The following SPOCK1 variants were observed in gnomAD, a reference collection of about 807,000 sequenced individuals.
SPOCK1 encodes testican-1.
A neutral mutation model predicts 55.3 loss-of-function variants in SPOCK1; 23 were observed. That is an observed-to-expected ratio of 0.42 (90% CI 0.30 to 0.59). The LOEUF (loss-of-function observed/expected upper bound fraction) is 0.59, where lower values mean the gene tolerates loss of function less well. SPOCK1 is among the 20% of genes least tolerant of loss of function. SPOCK1 has a pLI of 0.22. For missense variants in SPOCK1, 499 were observed against 552.5 expected, an observed-to-expected ratio of 0.90 and a Z score of 0.97; for synonymous variants, 226 against 221.0, an observed-to-expected ratio of 1.02 and a Z score of -0.20.
At chr5:137,388,098 G>A (rs1751634897) in intron 2 of SPOCK1, among the ~76,000 whole-genome samples, 1 of 152,072 alleles carries the variant, frequency 6.6e-6, no homozygotes, top group South Asian at 2.1e-4. Context: ...GCATTTAAAG[G>A]GAAAAATAGG....
At chr5:137,027,395 T>G (rs191554559) in intron 6 of SPOCK1, among the ~76,000 whole-genome samples, 2 of 152,302 alleles carry the variant, frequency 1.3e-5, no homozygotes, top group Admixed American at 1.3e-4. Flanking sequence ...CAAAGTGGCT[T>G]CTTTTGTAGA....
At chr5:137,279,369 G>C (rs901340126) in intron 2 of SPOCK1, among the ~76,000 whole-genome samples, 1 of 152,218 alleles carries the variant, frequency 6.6e-6, no homozygotes, top group African/African-American at 2.4e-5. Flanking sequence ...GTACACAGAG[G>C]AAGAAGTCAC....
intron 6 of SPOCK1, among the ~76,000 whole-genome samples, chr5:137,037,217 G>A (rs1195191033): frequency 1.3e-5 from 2 of 151,538 alleles, no homozygotes; most frequent in South Asian, 2.1e-4. Flanking sequence ...TCATGGTATC[G>A]TCAACAATAT....
At chr5:137,295,831 TAC>T (rs888418455) in intron 2 of SPOCK1, among the ~76,000 whole-genome samples, 6 of 152,252 alleles carry the variant, frequency 3.9e-5, no homozygotes, top group Non-Finnish European at 2.9e-5. Flanking sequence ...TACTTCATTT[TAC>T]AGTGTTTTTC....
chr5:137,050,521 CT>C (rs1331735015), intron 6 of SPOCK1, among the ~76,000 whole-genome samples: 10 of 151,308 alleles, frequency 6.6e-5, no homozygotes, highest in African/African-American at 2.2e-4. Context: ...CGCGCACCCA[CT>C]GGCCTGCGCC....
chr5:137,449,924 A>C (rs1402595838), intron 2 of SPOCK1, among the ~76,000 whole-genome samples: 2 of 150,054 alleles, frequency 1.3e-5, no homozygotes, highest in Non-Finnish European at 3.0e-5. Flanking sequence ...AAAAGAAAGA[A>C]AGAAAAAGAA....
intron 2 of SPOCK1, among the ~76,000 whole-genome samples, chr5:137,462,369 C>T (rs1404421924): frequency 1.3e-5 from 2 of 152,186 alleles, no homozygotes; most frequent in Non-Finnish European, 2.9e-5. Flanking sequence ...CCCAAAGTTT[C>T]ACTGCAGCTG....
At chr5:137,094,266 G>A (rs1351391791) in intron 5 of SPOCK1, among the ~76,000 whole-genome samples, 1 of 152,204 alleles carries the variant, frequency 6.6e-6, no homozygotes, top group Non-Finnish European at 1.5e-5. Context: ...CCAGACATCA[G>A]GGTGGATGGT....
chr5:137,117,789 C>T (rs61511032), intron 4 of SPOCK1, among the ~76,000 whole-genome samples: 7,293 of 152,036 alleles, frequency 0.048, 325 homozygotes, highest in East Asian at 0.13. Flanking sequence ...GGAGGGAGCT[C>T]CCCTGTGCAT....
intron 2 of SPOCK1, among the ~76,000 whole-genome samples, chr5:137,286,769 CCAA>C (rs1235224558): frequency 2.0e-5 from 3 of 152,128 alleles, no homozygotes; most frequent in African/African-American, 7.2e-5. Flanking sequence ...CAAAGTTCCC[CCAA>C]CAACCTTAGG....
At chr5:137,138,461 G>A (rs1293209241) in intron 4 of SPOCK1, among the ~76,000 whole-genome samples, 1 of 150,942 alleles carries the variant, frequency 6.6e-6, no homozygotes, top group Non-Finnish European at 1.5e-5. Flanking sequence ...CTGCATTGTA[G>A]GAGGAAACAT....
chr5:137,007,991 G>A (rs1751282751), intron 6 of SPOCK1, among the ~76,000 whole-genome samples: 1 of 151,956 alleles, frequency 6.6e-6, no homozygotes, highest in South Asian at 2.1e-4. Flanking sequence ...CCTTTGCAGG[G>A]ACATGGATGA....
chr5:136,988,761 T>C, intron 7 of SPOCK1, 118 bp from the exon 8 acceptor site: 1 of 831,960 alleles, frequency 1.2e-6, no homozygotes, highest in East Asian at 2.7e-5. Flanking sequence ...TTCCTGAGGC[T>C]GTTTCCTTCC....
intron 2 of SPOCK1, among the ~76,000 whole-genome samples, chr5:137,326,394 C>T (rs775578864): frequency 2.0e-5 from 3 of 152,192 alleles, no homozygotes; most frequent in Non-Finnish European, 2.9e-5. Flanking sequence ...AACCTGAGCT[C>T]TTTCTATTCC....
intron 2 of SPOCK1, among the ~76,000 whole-genome samples, chr5:137,307,906 A>G (rs941922009): frequency 6.6e-6 from 1 of 152,216 alleles, no homozygotes; most frequent in Admixed American, 6.5e-5. Context: ...CATTTCCAGG[A>G]ACACATCCTG....
intron 3 of SPOCK1, among the ~76,000 whole-genome samples, chr5:137,244,382 T>C (rs1291389538): frequency 6.6e-6 from 1 of 151,732 alleles, no homozygotes; most frequent in Non-Finnish European, 1.5e-5. Flanking sequence ...CACTATGCGA[T>C]TTTCAAAATG....
In SPOCK1 at chr5:137,231,128, C is replaced by T. The variant is rs1393822097; in HGVS notation, c.232+35882G>A. On this transcript the variant is annotated intron_variant, in intron 3 of 10. Coordinates refer to ENST00000394945, the MANE Select transcript of SPOCK1 (RefSeq NM_004598.4). ...GCATGATCTTGGCTCACTGTAACCTCCACCTTCCCGGGTTCAAGTGATCCT... is the reference window on the plus strand; with the variant it reads ...GCATGATCTTGGCTCACTGTAACCTTCACCTTCCCGGGTTCAAGTGATCCT... 3.9e-5 allele frequency among the ~76,000 whole-genome samples: 6 copies of T among 152,136 alleles called. No individual in the cohort carries two copies. In the East Asian group the frequency reaches 1.2e-3, roughly 29 times the overall value.
chr5:137,315,331 G>A (rs59403814), intron 2 of SPOCK1, among the ~76,000 whole-genome samples: 4,206 of 152,264 alleles, frequency 0.028, 204 homozygotes, highest in African/African-American at 0.096. Flanking sequence ...ATGAGGCTAT[G>A]AGTTCCAAGG....
chr5:137,217,073 C>G (rs1006653811), intron 3 of SPOCK1, among the ~76,000 whole-genome samples: 2 of 152,104 alleles, frequency 1.3e-5, no homozygotes, highest in African/African-American at 4.8e-5. Flanking sequence ...GAACAGAGAA[C>G]AAGACAGGGA....
Sources: gnomAD v4.1 joint callset for allele counts (sites outside exome capture counted in the v4.1 genomes callset) on GRCh38, gnomAD v4.1.1 for gene constraint, MANE v1.5 for transcripts, NCBI Gene and HGNC (gene_info 2026-07-23, HGNC 2026-07-21) for gene names.